The following CDH4 variants were observed in gnomAD, a reference collection of about 807,000 sequenced individuals.
CDH4 encodes the protein cadherin-4.
A neutral mutation model predicts 86.0 loss-of-function variants in CDH4; 33 were observed. The ratio of observed to expected loss-of-function variants is 0.38; its 90% CI spans 0.29 to 0.51. The LOEUF (loss-of-function observed/expected upper bound fraction) is 0.51. Ranked by LOEUF, CDH4 falls within the 20% of genes least tolerant of loss-of-function variation. The pLI is 0.86. For synonymous variants in CDH4, 555 were observed against 549.4 expected, an observed-to-expected ratio of 1.01 and a Z score of -0.14; for missense variants, 1,114 against 1,307.4, an observed-to-expected ratio of 0.85 and a Z score of 2.28.
At position 61,661,088 on chromosome 20, in the gene CDH4, G is replaced by A. The variant is rs116078382; in HGVS notation, c.170-82475G>A. Among the ~76,000 whole-genome samples, 2 of 144,662 alleles carry A rather than the reference G, an allele frequency of 1.4e-5. 1 individual carries two copies. The allele number at this position is 144,662 out of a possible 152,430, so 94.9% of individuals were successfully genotyped here. ...CGGCATGGACAGGAGGCATGGCGGGGGGGGGGGAGACACAGTGCCAGGCTC... is the reference window on the plus strand; with the variant it reads ...CGGCATGGACAGGAGGCATGGCGGGAGGGGGGGAGACACAGTGCCAGGCTC... On this transcript the variant is annotated intron_variant, in intron 2 of 15. Coordinates refer to ENST00000614565, the MANE Select transcript of CDH4 (RefSeq NM_001794.5).
In CDH4 at chr20:61,655,166, T is replaced by C. The variant is rs576628698; in HGVS notation, c.170-88397T>C. Among the ~76,000 whole-genome samples the C allele has an allele frequency of 2.2e-4, 33 of 152,334 alleles. 1 individual carries two copies. The highest frequency in any genetic ancestry group is 7.2e-4 in the African/African-American group (30 of 41,582). Reference sequence around the variant, plus strand: ...GTAATTATGTATGCAGGCATATATGTGTATATGTCTGCTTGTGTGTATTTC... The same window carrying C: ...GTAATTATGTATGCAGGCATATATGCGTATATGTCTGCTTGTGTGTATTTC... On this transcript the variant is annotated intron_variant, in intron 2 of 15. Transcript: ENST00000614565.
chr20:61,300,754 G>A (rs565080090), intron 2 of CDH4, among the ~76,000 whole-genome samples: 30 of 152,280 alleles, frequency 2.0e-4, no homozygotes, highest in Non-Finnish European at 3.4e-4. Flanking sequence ...CCTGTCAGGG[G>A]CGAGGCAGTC....
intron 2 of CDH4, among the ~76,000 whole-genome samples, chr20:61,552,789 T>A (rs2086143484): frequency 6.6e-6 from 1 of 151,670 alleles, no homozygotes; most frequent in Non-Finnish European, 1.5e-5. Flanking sequence ...CAATAACAAG[T>A]GTTGGCAAGG....
chr20:61,504,274 G>A (rs2085724716), intron 2 of CDH4, among the ~76,000 whole-genome samples: 1 of 152,222 alleles, frequency 6.6e-6, no homozygotes, highest in Admixed American at 6.5e-5. Flanking sequence ...CTATGGCTGA[G>A]GCTGGCTTAG....
intron 2 of CDH4, among the ~76,000 whole-genome samples, chr20:61,497,978 G>A (rs1218058884): frequency 7.5e-5 from 11 of 146,384 alleles, no homozygotes; most frequent in African/African-American, 2.8e-4. Flanking sequence ...AACACCGCAT[G>A]TTCTCACTCA....
intron 2 of CDH4, among the ~76,000 whole-genome samples, chr20:61,482,520 T>G (rs2085573648): frequency 6.6e-6 from 1 of 152,122 alleles, no homozygotes; most frequent in Non-Finnish European, 1.5e-5. Flanking sequence ...TTGGCCCTCT[T>G]TTACTGTGGG....
intron 2 of CDH4, among the ~76,000 whole-genome samples, chr20:61,299,416 C>T (rs2084374500): frequency 6.6e-6 from 1 of 152,144 alleles, no homozygotes; most frequent in African/African-American, 2.4e-5. Context: ...TTTAAGCCTC[C>T]AGGTTTGTGA....
At position 61,603,854 on chromosome 20, in the gene CDH4, G is replaced by C. The variant is rs754830508; in HGVS notation, c.170-139709G>C. On this transcript the variant is annotated intron_variant, in intron 2 of 15. Transcript: ENST00000614565. ...GAAAATAGGGGAAAATAGGGGAATA[G>C]ATAATGTGGGAAAAGCATCAGGGAC... Among the ~76,000 whole-genome samples, 12 of 152,332 alleles carry C rather than the reference G, an allele frequency of 7.9e-5. 1 individual carries two copies. The South Asian group carries it at 1.9e-3, about 24-fold the overall frequency.
At chr20:61,880,693 G>A (rs1984236897) in intron 7 of CDH4, among the ~76,000 whole-genome samples, 1 of 152,214 alleles carries the variant, frequency 6.6e-6, no homozygotes, top group East Asian at 1.9e-4. Context: ...TGGCCTTGGG[G>A]GTGAGGGTCG....
At chr20:61,395,654 C>A (rs1291766470) in intron 2 of CDH4, among the ~76,000 whole-genome samples, 1 of 152,112 alleles carries the variant, frequency 6.6e-6, no homozygotes, top group African/African-American at 2.4e-5. Context: ...GTGGTTCGTG[C>A]CTATAGGCCC....
intron 2 of CDH4, among the ~76,000 whole-genome samples, chr20:61,730,254 G>A (rs1243565415): frequency 1.3e-5 from 2 of 152,138 alleles, no homozygotes; most frequent in African/African-American, 2.4e-5. Flanking sequence ...AATGCATGGT[G>A]ACACGGAGCC....
rs569373738 is a variant in CDH4, at chr20:61,377,803, C to T, written c.169+122866C>T. Among the ~76,000 whole-genome samples the T allele has an allele frequency of 8.5e-5, 13 of 152,326 alleles. No homozygotes were observed. Among genetic ancestry groups the T allele is most frequent in the African/African-American group, 2.9e-4 (12 of 41,578 alleles). On this transcript the variant is annotated intron_variant, in intron 2 of 15. Coordinates refer to ENST00000614565, the MANE Select transcript of CDH4 (RefSeq NM_001794.5). This position sits in a 1 kb window ranked among gnomAD's most constrained non-coding sequence, Gnocchi z 4.0. Reference sequence around the variant, plus strand: ...CCTTAGGTCGGTCCACTGGCCTGTGCCTTGTCCTTAGAAGGCTGGAGGCCT... The same window carrying T: ...CCTTAGGTCGGTCCACTGGCCTGTGTCTTGTCCTTAGAAGGCTGGAGGCCT...
rs574155212 is a variant in CDH4, at chr20:61,874,823, G to A, written c.1050+923G>A. Among the ~76,000 whole-genome samples, 26 of 152,338 alleles carry A rather than the reference G, an allele frequency of 1.7e-4. No individual in the cohort carries two copies. The South Asian group carries it at 5.4e-3, about 32-fold the overall frequency. On this transcript the variant is annotated intron_variant, in intron 7 of 15. Transcript: ENST00000614565. ...ACCCTCTGAGGCATTTGGCTCCCAG[G>A]AGCCGGTAGAGCCACCTCGCTGGGC...
At chr20:61,367,522 C>T (rs149767037) in intron 2 of CDH4, among the ~76,000 whole-genome samples, 2,895 of 151,188 alleles carry the variant, frequency 0.019, 61 homozygotes, top group African/African-American at 0.047. Flanking sequence ...TGAAGGGGCT[C>T]CCACTGACCC....
rs1985264639 is a variant in CDH4 at position 61,899,112 on chromosome 20, T to TG, written c.1188+4066dup. Among the ~76,000 whole-genome samples, 3 of 152,012 alleles carry TG rather than the reference T, an allele frequency of 2.0e-5. No homozygotes were observed. In the East Asian group the frequency reaches 5.8e-4, roughly 30 times the overall value. ...GAGTTCAAGACCAGCCTGGCCAAGA[T>TG]GTGAAACCCCATCTCTACTAAAAAT... On this transcript the variant is annotated intron_variant, in intron 8 of 15. Transcript: ENST00000614565.
chr20:61,340,228 C>T (rs996224147), intron 2 of CDH4, among the ~76,000 whole-genome samples: 6 of 152,204 alleles, frequency 3.9e-5, no homozygotes, highest in Middle Eastern at 3.4e-3. Context: ...CAACAGGTGA[C>T]GAGGAATGAG....
chr20:61,928,479 G>T, intron 12 of CDH4, 56 bp downstream of exon 12: 1 of 1,485,940 alleles, frequency 6.7e-7, no homozygotes, highest in Non-Finnish European at 9.3e-7. Context: ...GCAGGCCCCT[G>T]GGAGACCCAG....
chr20:61,933,300 C>T (rs942057586), intron 14 of CDH4, among the ~76,000 whole-genome samples, 176 bp downstream of exon 14: 1 of 152,250 alleles, frequency 6.6e-6, no homozygotes, highest in African/African-American at 2.4e-5. Flanking sequence ...TACACTGCAC[C>T]TGCATCCCCC....
At chr20:61,874,998 C>T (rs1023559270) in intron 7 of CDH4, among the ~76,000 whole-genome samples, 2 of 152,166 alleles carry the variant, frequency 1.3e-5, no homozygotes, top group Non-Finnish European at 2.9e-5. Context: ...TCTGGGTGTG[C>T]GGGGACCCCA....
Sources: gnomAD v4.1 joint callset for allele counts (sites outside exome capture counted in the v4.1 genomes callset) on GRCh38, gnomAD v4.1.1 for gene constraint, Gnocchi (gnomAD v3.1) non-coding constraint, MANE v1.5 for transcripts, NCBI Gene and HGNC (gene_info 2026-07-23, HGNC 2026-07-21) for gene names.